HOXA10: variants seen among roughly 807,000 people sequenced by gnomAD.
The protein encoded by HOXA10 is homeobox protein Hox-A10.
In HOXA10, 12 loss-of-function variants were observed where a neutral mutation model predicts 29.7. The observed-to-expected ratio is 0.40, with a 90% CI of 0.26 to 0.65. The LOEUF (loss-of-function observed/expected upper bound fraction) is 0.65. HOXA10 is among the 30% of genes least tolerant of loss of function. The pLI, the probability that HOXA10 is intolerant of heterozygous loss-of-function variation, is 0.37. For synonymous variants in HOXA10, 327 were observed against 280.7 expected, an observed-to-expected ratio of 1.16 and a Z score of -1.65; for missense variants, 656 against 585.9, an observed-to-expected ratio of 1.12 and a Z score of -1.24.
chr7:27,179,133 C>G (rs943718081), upstream of HOXA10, among the ~76,000 whole-genome samples: 8 of 152,188 alleles, frequency 5.3e-5, no homozygotes, highest in Non-Finnish European at 1.2e-4. Flanking sequence ...TCCGAATTGG[C>G]CTTTTTCGGA....
At position 27,173,373 on chromosome 7, in the gene HOXA10, C is replaced by G. The variant is rs751621464; in HGVS notation, c.934G>C (p.Ala312Pro). Residue 312 changes from alanine (A) to proline (P), a missense_variant, in exon 1 of 2, where the codon GCC (alanine) becomes CCC (proline). Ala to Pro is a conservative substitution (Grantham distance 27). Coordinates refer to ENST00000283921, the MANE Select transcript of HOXA10 (RefSeq NM_018951.4). ...LSPAPSESSK[A>P]SPEKDSLGNS... ...CCCAGGGAATCCTTCTCCGGCGAGG[C>G]TTTGCTGCTCTCGGAAGGGGCCGGG... The G allele has an allele frequency of 6.2e-7, 1 of 1,612,094 alleles. No homozygotes were observed. Among genetic ancestry groups the G allele is most frequent in the African/African-American group, 1.3e-5 (1 of 75,042 alleles).
chr7:27,176,523 A>T (rs1002703407), upstream of HOXA10, among the ~76,000 whole-genome samples: 1 of 152,228 alleles, frequency 6.6e-6, no homozygotes, highest in African/African-American at 2.4e-5. Flanking sequence ...TGGAAATGCC[A>T]CAGAGCTGGG....
chr7:27,174,418 T>C, upstream of HOXA10: 2 of 1,528,338 alleles, frequency 1.3e-6, no homozygotes, highest in Middle Eastern at 2.3e-4. Flanking sequence ...TTTGGTTTCG[T>C]AGGCGCGGGG....
chr7:27,177,960 A>T (rs1282520505), upstream of HOXA10, among the ~76,000 whole-genome samples: 3 of 152,270 alleles, frequency 2.0e-5, no homozygotes, highest in Non-Finnish European at 4.4e-5. Flanking sequence ...GGCCAAAGTA[A>T]ACACCAGGCC....
At chr7:27,177,058 G>A (rs1467728765), upstream of HOXA10, among the ~76,000 whole-genome samples, 2 of 152,228 alleles carry the variant, frequency 1.3e-5, no homozygotes, top group Non-Finnish European at 2.9e-5. Context: ...GCCCCGTAGG[G>A]CAGCCAAATG....
Position 27,173,574 on chromosome 7 carries a change from G to A in HOXA10, c.733C>T (p.Pro245Ser). The A allele has an allele frequency of 2.0e-6, 3 of 1,471,852 alleles. No homozygotes were observed. The highest frequency in any genetic ancestry group is 1.4e-5 in the South Asian group (1 of 74,008). 91.2% of individuals were successfully genotyped at this position (1,471,852 alleles called of 1,614,324 possible). A position where few individuals can be genotyped will look rare whatever the true frequency, so the allele number is the denominator to read the frequency against. The change falls in exon 1 of 2, where the codon CCC becomes TCC. Residue 245 changes from proline to serine, a missense_variant. By Grantham distance (74) the Pro-to-Ser change is moderately conservative (BLOSUM62 -1). Coordinates refer to ENST00000283921, the MANE Select transcript of HOXA10 (RefSeq NM_018951.4). ...GGGAGATCGAAACCGCGCCCCGGGG[G>A]CTGCGCGGGGAACGGGCCAGCCCCG... ...QLGAGPFPAQ[P>S]PGRGFDLPPA...
Position 27,179,670 on chromosome 7 carries a change from C to G in HOXA10, c.-15G>C, listed in dbSNP as rs775744753. The stretch of plus-strand genomic sequence containing the variant: ...CCTTGACACATTTCCGAAATCACTG[C>G]CAAGGGACAGCTGGCTTCTCCGCGC... On this transcript the variant is annotated 5_prime_UTR_variant, in exon 1 of 2. Coordinates refer to the HOXA10 transcript ENST00000396344. 1.5e-4 allele frequency: 113 copies of G among 778,758 alleles called. 1 individual carries two copies. The highest frequency in any genetic ancestry group is 5.1e-4 in the East Asian group (21 of 41,148). The allele number at this position is 778,758 out of a possible 1,614,324, so 48.2% of individuals were successfully genotyped here.
Position 27,172,098 on chromosome 7 carries a change from T to C in HOXA10, c.1034A>G (p.Lys345Arg), listed in dbSNP as rs1279209399. 3.1e-6 allele frequency: 5 copies of C among 1,614,192 alleles called. No individual in the cohort carries two copies. Among genetic ancestry groups the C allele is most frequent in the Non-Finnish European group, 4.2e-6 (5 of 1,180,026 alleles). The change falls in exon 2 of 2, where the codon AAG becomes AGG. Residue 345 changes from lysine to arginine, a missense_variant. Lys to Arg is a conservative substitution (Grantham distance 26, BLOSUM62 2). Transcript: ENST00000283921. ...CTTCTCCAGCTCCAGTGTCTGGTGC[T>C]TCGTGTAGGGGCAGCGCTTCTTCCG... ...SGRKKRCPYTKHQTLELEKEF... is the reference protein window; with the variant it reads ...SGRKKRCPYTRHQTLELEKEF...
At chr7:27,176,257 C>T (rs1336210406), upstream of HOXA10, among the ~76,000 whole-genome samples, 3 of 152,234 alleles carry the variant, frequency 2.0e-5, no homozygotes, top group African/African-American at 4.8e-5. Flanking sequence ...GCTGCAGCAG[C>T]GGCTTTAGAG....
rs1008002540 is a variant in HOXA10 at position 27,173,545 on chromosome 7, G to T, written c.762C>A (p.Pro254=). 1.2e-5 allele frequency: 18 copies of T among 1,454,380 alleles called. No homozygotes were observed. The highest frequency in any genetic ancestry group is 1.4e-5 in the South Asian group (1 of 70,602). 90.1% of individuals were successfully genotyped at this position (1,454,380 alleles called of 1,614,324 possible). ...QPPGRGFDLP[P]ALASGSADAA... ...CATCGGCCGAGCCGGAGGCTAGCGCGGGCGGGAGATCGAAACCGCGCCCCG... is the reference window on the plus strand; with the variant it reads ...CATCGGCCGAGCCGGAGGCTAGCGCTGGCGGGAGATCGAAACCGCGCCCCG... Residue 254 remains proline, a synonymous_variant, in exon 1 of 2, where the codon CCC becomes CCA. Transcript: ENST00000283921.
upstream of HOXA10, among the ~76,000 whole-genome samples, chr7:27,175,684 AG>A (rs1365364603): frequency 6.6e-6 from 1 of 152,130 alleles, no homozygotes; most frequent in Middle Eastern, 3.2e-3. Flanking sequence ...GGAGCCCGGG[AG>A]GTCGCTGCCT....
chr7:27,174,682 A>G (rs1022580073), upstream of HOXA10: 35 of 283,074 alleles, frequency 1.2e-4, no homozygotes, highest in Middle Eastern at 1.1e-3. Flanking sequence ...GTGCGCGCCC[A>G]GTCTGCCTTG....
At position 27,174,150 on chromosome 7, in the gene HOXA10, C is replaced by G; in HGVS notation, c.157G>C (p.Gly53Arg). ...CCGTGGGCGTAGTAACCGCCACCGC[C>G]GCCGCCCCCCGCGCCACCACCACCG... ...GGGGGGAGGG[G>R]GGGYYAHGGV... Residue 53 changes from glycine to arginine, a missense_variant, in exon 1 of 2, where the codon GGC becomes CGC. Gly to Arg is a moderately radical substitution (Grantham distance 125). Around this residue, in one of 2 missense-constraint regions of HOXA10, gnomAD observed 594 missense variants for 491.9 expected, o/e 1.21. Transcript: ENST00000283921. 1 of 1,596,034 alleles carries G rather than the reference C, an allele frequency of 6.3e-7. No homozygotes were observed. The highest frequency in any genetic ancestry group is 8.5e-7 in the Non-Finnish European group (1 of 1,178,840).
chr7:27,179,546 C>G, intron 1 of HOXA10: 1 of 726,048 alleles, frequency 1.4e-6, no homozygotes, highest in Admixed American at 1.9e-5. Context: ...CCGCGTCACC[C>G]CACAAACCCA....
At chr7:27,179,672 A>G in exon 1 of HOXA10, 1 of 778,786 alleles carries the variant, frequency 1.3e-6, no homozygotes, top group Non-Finnish European at 2.4e-6. Context: ...AATCACTGCC[A>G]AGGGACAGCT....
upstream of HOXA10, chr7:27,174,810 C>G (rs1445468553): frequency 6.4e-6 from 1 of 155,904 alleles, no homozygotes; most frequent in East Asian, 1.9e-4. Flanking sequence ...GGAACTGGCC[C>G]CTTGTCTGAA....
At chr7:27,177,302 C>T (rs901281412), upstream of HOXA10, among the ~76,000 whole-genome samples, 7 of 152,174 alleles carry the variant, frequency 4.6e-5, no homozygotes, top group South Asian at 2.1e-4. Flanking sequence ...ATAAACCAAA[C>T]GGGATGTTGG....
chr7:27,174,876 T>A (rs1783625846), upstream of HOXA10: 1 of 154,394 alleles, frequency 6.5e-6, no homozygotes, highest in Non-Finnish European at 1.4e-5. Context: ...ATCCTCAGAG[T>A]GTCAGGAGCC....
In HOXA10 at chr7:27,173,848, C is replaced by T; in HGVS notation, c.459G>A (p.Gln153=). 6.2e-7 allele frequency: 1 copy of T among 1,608,320 alleles called. No individual in the cohort carries two copies. Among genetic ancestry groups the T allele is most frequent in the Non-Finnish European group, 8.5e-7 (1 of 1,177,694 alleles). Residue 153 remains glutamine (Q), a synonymous_variant, in exon 1 of 2, where the codon CAG becomes CAA. Transcript: ENST00000283921. Reference sequence around the variant, plus strand: ...TCTGCGCGAAAGAGCACGAGGTGGCCTGCGGCGCTGGCTGGGGTGGTTGCG... The same window carrying T: ...TCTGCGCGAAAGAGCACGAGGTGGCTTGCGGCGCTGGCTGGGGTGGTTGCG... ...PPPQPPQPAP[Q]ATSCSFAQNI... is the part of the protein sequence containing the mutation.
Sources: allele counts gnomAD v4.1 joint callset (sites outside exome capture counted in the v4.1 genomes callset), GRCh38; gene constraint gnomAD v4.1.1; regional missense constraint gnomAD v4.1.1; transcripts MANE v1.5; gene names NCBI Gene and HGNC (gene_info 2026-07-23, HGNC 2026-07-21).